Variants in NFATC4 observed in about 807,000 individuals in gnomAD.
NFATC4 encodes the protein nuclear factor of activated T-cells, cytoplasmic 4.
NFATC4 carries 25 observed loss-of-function variants against 73.4 expected under a neutral mutation model. The ratio of observed to expected loss-of-function variants is 0.34; its 90% CI spans 0.25 to 0.48. The LOEUF is 0.48. Among genes scored for constraint, NFATC4 ranks in the 20% least tolerant of loss-of-function variants. The pLI is 0.99. For missense variants in NFATC4, 1,130 were observed against 1,203.7 expected, an observed-to-expected ratio of 0.94 and a Z score of 0.91; for synonymous variants, 523 against 510.3, an observed-to-expected ratio of 1.02 and a Z score of -0.34.
chr14:24,369,373 G>T, intron 1 of NFATC4, 126 bp from the exon 2 acceptor site: 3 of 1,600,284 alleles, frequency 1.9e-6, no homozygotes, highest in Non-Finnish European at 1.7e-6. Flanking sequence ...TTGTGGCTCA[G>T]AAGGTCTCTT....
Position 24,369,874 on chromosome 14 carries a change from G to C in NFATC4, c.476G>C (p.Gly159Ala). ...PEGFGGYREA[G>A]GQGGGAFFSP... ...GGCTTTGGGGGCTACAGAGAAGCAG[G>C]GGGCCAGGGTGGGGGGGCCTTCTTC... Residue 159 changes from glycine (G) to alanine (A), a missense_variant, in exon 2 of 10, where the codon GGG (glycine) becomes GCG (alanine). Physicochemically the swap from Gly to Ala is moderately conservative, Grantham distance 60 (BLOSUM62 0). Coordinates refer to ENST00000250373, the MANE Select transcript of NFATC4 (RefSeq NM_004554.5). 6.2e-7 allele frequency: 1 copy of C among 1,610,570 alleles called. No individual in the cohort carries two copies. The highest frequency in any genetic ancestry group is 8.5e-7 in the Non-Finnish European group (1 of 1,178,856).
Position 24,368,450 on chromosome 14 carries a change from G to A in NFATC4, c.100+10G>A. ...GGGGGATTGGGGGAAGGTTAGTGCTGGGCTGGGAAGGGGTCTTGGGGTCAG... is the reference window on the plus strand; with the variant it reads ...GGGGGATTGGGGGAAGGTTAGTGCTAGGCTGGGAAGGGGTCTTGGGGTCAG... On this transcript the variant is annotated intron_variant, in intron 1 of 9. Transcript: ENST00000250373. 7.6e-7 allele frequency: 1 copy of A among 1,310,006 alleles called. No homozygotes were observed. The highest frequency in any genetic ancestry group is 9.7e-7 in the Non-Finnish European group (1 of 1,025,652). 81.1% of individuals were successfully genotyped at this position (1,310,006 alleles called of 1,614,324 possible). A position where few individuals can be genotyped will look rare whatever the true frequency, so the allele number is the denominator to read the frequency against.
chr14:24,367,968 C>T (rs903251973), upstream of NFATC4: 29 of 1,111,192 alleles, frequency 2.6e-5, no homozygotes, highest in Non-Finnish European at 3.2e-5. Context: ...TAGTATCACT[C>T]TTGAAGGACC....
In NFATC4 at chr14:24,374,377, C is replaced by T. The variant is rs753887512; in HGVS notation, c.1784C>T (p.Ala595Val). 2.5e-5 allele frequency: 40 copies of T among 1,613,876 alleles called. No homozygotes were observed. Among genetic ancestry groups the T allele is most frequent in the Non-Finnish European group, 3.3e-5 (39 of 1,179,976 alleles). The change falls in exon 6 of 10, where the codon GCC (alanine) becomes GTC (valine). Residue 595 changes from alanine to valine, a missense_variant. This residue lies in a region of NFATC4 where 390 missense variants were observed against 408.1 expected (regional missense o/e 0.96). Transcript: ENST00000250373. ...CAGGTGGAGGCCTACAGCCCCAGTGCCTGCTCTGTGAGAGGAGGCGAGGAA... is the reference window on the plus strand; with the variant it reads ...CAGGTGGAGGCCTACAGCCCCAGTGTCTGCTCTGTGAGAGGAGGCGAGGAA... ...LPQVEAYSPSACSVRGGEELV... is the reference protein window; with the variant it reads ...LPQVEAYSPSVCSVRGGEELV...
chr14:24,373,042 A>T lies in NFATC4; in HGVS notation c.1360-129A>T. 1 of 944,532 alleles carries T rather than the reference A, an allele frequency of 1.1e-6. No individual in the cohort carries two copies. The highest frequency in any genetic ancestry group is 1.6e-6 in the Non-Finnish European group (1 of 640,596). The allele number at this position is 944,532 out of a possible 1,614,324, so 58.5% of individuals were successfully genotyped here. A position where few individuals can be genotyped will look rare whatever the true frequency, so the allele number is the denominator to read the frequency against. On this transcript the variant is annotated intron_variant, in intron 3 of 9. Transcript: ENST00000250373. The surrounding 1 kb of genome is among the most constrained non-coding windows in gnomAD (Gnocchi z 4.7). ...TCCACAACGGGTGCCCAGTTCCCCA[A>T]GGGATTCCCTTGCAGGATATCCTTT...
chr14:24,369,403 T>TA lies in NFATC4; in HGVS notation c.101-95dup, dbSNP rs768922963. On this transcript the variant is annotated intron_variant, in intron 1 of 9. Transcript: ENST00000250373. ...TCTCTTTGCTGAGGGGCAGGGAGCA[T>TA]AGAAGGACTTGCGGCCTGGCCACTC... 1.4e-5 allele frequency: 22 copies of TA among 1,604,674 alleles called. No individual in the cohort carries two copies. The African/African-American group carries it at 2.9e-4, about 21-fold the overall frequency.
At position 24,377,339 on chromosome 14, in the gene NFATC4, T is replaced by G; in HGVS notation, c.2642-299T>G. 2 of 1,286,812 alleles carry G rather than the reference T, an allele frequency of 1.6e-6. No homozygotes were observed. The highest frequency in any genetic ancestry group is 2.0e-6 in the Non-Finnish European group (2 of 1,016,876). The allele number at this position is 1,286,812 out of a possible 1,614,324, so 79.7% of individuals were successfully genotyped here. On this transcript the variant is annotated intron_variant, in intron 9 of 9. Transcript: ENST00000250373. The surrounding 1 kb of genome is among the most constrained non-coding windows in gnomAD (Gnocchi z 4.2). ...CTGTTTTGCCTCTCCTTCTTCCCATTGGCTACACCCATCTCTGGCCCTGCT... is the reference window on the plus strand; with the variant it reads ...CTGTTTTGCCTCTCCTTCTTCCCATGGGCTACACCCATCTCTGGCCCTGCT...
chr14:24,367,400 T>C (rs2042336442), upstream of NFATC4: 2 of 1,535,438 alleles, frequency 1.3e-6, no homozygotes, highest in African/African-American at 2.7e-5. Context: ...GCTGCCAACT[T>C]CCCGTGGAGG....
At chr14:24,372,314 G>A in intron 2 of NFATC4, 127 bp from the exon 3 acceptor site, 2 of 987,064 alleles carry the variant, frequency 2.0e-6, no homozygotes, top group East Asian at 2.5e-5. Flanking sequence ...AAGTGTTAAT[G>A]TACTTCTTTA....
rs2042519537 is a variant in NFATC4, at chr14:24,373,161, C to T, written c.1360-10C>T. On this transcript the variant is annotated splice_polypyrimidine_tract_variant and intron_variant, in intron 3 of 9. Coordinates refer to ENST00000250373, the MANE Select transcript of NFATC4 (RefSeq NM_004554.5). This position sits in a 1 kb window ranked among gnomAD's most constrained non-coding sequence, Gnocchi z 4.7. ...ATTTCAATGAGGTGGCCGCTCTCTC[C>T]CTCTGCCAGCTCCTAGGCTACAGTG... is the stretch of plus-strand genomic sequence containing the variant. The T allele has an allele frequency of 6.2e-7, 1 of 1,613,054 alleles. No individual in the cohort carries two copies. The highest frequency in any genetic ancestry group is 1.3e-5 in the African/African-American group (1 of 74,908).
intron 1 of NFATC4, chr14:24,368,989 C>A: frequency 8.2e-7 from 1 of 1,225,380 alleles, no homozygotes; most frequent in East Asian, 4.3e-5. Flanking sequence ...GCATCACCCC[C>A]TCGGCTGCAC....
upstream of NFATC4, chr14:24,367,720 C>A (rs957273949): frequency 9.2e-5 from 138 of 1,496,324 alleles, no homozygotes; most frequent in Non-Finnish European, 1.2e-4. Context: ...CCCCCAGGAC[C>A]CTCCTGGCCT....
At position 24,372,501 on chromosome 14, in the gene NFATC4, G is replaced by A; in HGVS notation, c.1257G>A (p.Leu419=). ...CCAGCCAATATGAGCAGCTGGAGCTGAGGATCGAGGTACAGCCTAGAGCCC... is the reference window on the plus strand; with the variant it reads ...CCAGCCAATATGAGCAGCTGGAGCTAAGGATCGAGGTACAGCCTAGAGCCC... The part of the protein sequence containing the change: ...PLPSQYEQLE[L]RIEVQPRAHH... The change falls in exon 3 of 10, where the codon CTG becomes CTA. Residue 419 remains leucine (L), a synonymous_variant. Transcript: ENST00000250373. 1 of 1,614,058 alleles carries A rather than the reference G, an allele frequency of 6.2e-7. No individual in the cohort carries two copies. Among genetic ancestry groups the A allele is most frequent in the Non-Finnish European group, 8.5e-7 (1 of 1,180,046 alleles).
Position 24,373,787 on chromosome 14 carries a change from G to A in NFATC4, c.1652G>A (p.Arg551Gln). Residue 551 changes from arginine to glutamine, a missense_variant, in exon 5 of 10, where the codon CGG (arginine) becomes CAG (glutamine). Arg to Gln is a conservative substitution (Grantham distance 43, BLOSUM62 1). Transcript: ENST00000250373. This position sits in a 1 kb window ranked among gnomAD's most constrained non-coding sequence, Gnocchi z 4.7. ...TDIGRKNTRV[R>Q]LVFRVHVPQG... is the part of the protein sequence containing the mutation. ...ATCGGGCGCAAAAACACACGTGTAC[G>A]GCTGGTGTTCCGGGTACACGTGCCC... 2.5e-6 allele frequency: 4 copies of A among 1,614,176 alleles called. No individual in the cohort carries two copies. The highest frequency in any genetic ancestry group is 3.4e-6 in the Non-Finnish European group (4 of 1,180,036).
intron 7 of NFATC4, 42 bp downstream of exon 7, chr14:24,375,757 G>GGGGGGGGGGGCC: frequency 3.5e-6 from 2 of 566,436 alleles, no homozygotes; most frequent in East Asian, 5.2e-5. Context: ...GCGGGGGTGG[G>GGGGGGGGGGGCC]AGAAGGCAGG....
At chr14:24,369,325 A>G (rs1190807041) in intron 1 of NFATC4, 174 bp from the exon 2 acceptor site, 5 of 1,593,034 alleles carry the variant, frequency 3.1e-6, no homozygotes, top group Admixed American at 3.4e-5. Flanking sequence ...GCCTGCTTCA[A>G]TCTCCTCCAT....
chr14:24,368,050 G>A, upstream of NFATC4: 1 of 831,536 alleles, frequency 1.2e-6, no homozygotes, highest in Non-Finnish European at 1.5e-6. Context: ...GAGGGTGGGG[G>A]AGGACGAGGG....
chr14:24,374,634 A>T, intron 6 of NFATC4, 168 bp downstream of exon 6: 1 of 623,668 alleles, frequency 1.6e-6, no homozygotes, highest in Non-Finnish European at 2.7e-6. Context: ...TCCATGTGGG[A>T]TGGGTATGAC....
At chr14:24,368,974 A>G (rs1281195412) in intron 1 of NFATC4, 3 of 977,472 alleles carry the variant, frequency 3.1e-6, no homozygotes, top group East Asian at 7.6e-5. Context: ...GGCTGGGCCC[A>G]GCACGCATCA....
Sources: allele counts gnomAD v4.1 joint callset, GRCh38; gene constraint gnomAD v4.1.1; regional missense constraint gnomAD v4.1.1; non-coding constraint Gnocchi (gnomAD v3.1); transcripts MANE v1.5; gene names NCBI Gene and HGNC (gene_info 2026-07-23, HGNC 2026-07-21).